The following CDCA2 variants were observed in gnomAD, a reference collection of about 807,000 sequenced individuals.
CDCA2 encodes cell division cycle-associated protein 2.
In CDCA2, 44 loss-of-function variants were observed where a neutral mutation model predicts 67.0. The observed-to-expected ratio is 0.66, with a 90% CI of 0.52 to 0.84. The LOEUF (loss-of-function observed/expected upper bound fraction) is 0.84. Ranked by LOEUF, CDCA2 falls within the 40% of genes least tolerant of loss-of-function variation. The probability of loss-of-function intolerance (pLI) is 0.00; values close to 1 mark genes in which losing one functional copy is unlikely to be tolerated. For synonymous variants in CDCA2, 447 were observed against 418.7 expected (o/e 1.07, Z -0.82); for missense variants, 1,253 against 1,203.2 (o/e 1.04, Z -0.61).
Position 25,507,875 on chromosome 8 carries a change from CT to C in CDCA2, c.*141del. On this transcript the variant is annotated 3_prime_UTR_variant, in exon 15 of 15. Transcript: ENST00000330560. ...AATAAACTCATTTGAGTTGAACCTA[CT>C]TTTATGTAGAAATAAATAAGTTTCT... The C allele has an allele frequency of 1.4e-6, 1 of 734,428 alleles. No homozygotes were observed. The highest frequency in any genetic ancestry group is 2.0e-6 in the Non-Finnish European group (1 of 504,308). The allele number at this position is 734,428 out of a possible 1,614,324, so 45.5% of individuals were successfully genotyped here.
intron 1 of CDCA2, 88 bp from the exon 2 acceptor site, chr8:25,460,152 T>G (rs1802620161): frequency 1.5e-6 from 2 of 1,292,018 alleles, no homozygotes; most frequent in Non-Finnish European, 2.3e-6. Context: ...TGGACTGTAT[T>G]ACAATTCAGT....
chr8:25,493,179 A>G (rs917099317), intron 13 of CDCA2, among the ~76,000 whole-genome samples: 4 of 152,242 alleles, frequency 2.6e-5, no homozygotes, highest in African/African-American at 9.6e-5. Context: ...ATAAAAGTTC[A>G]ATGTTTACCA....
intron 13 of CDCA2, among the ~76,000 whole-genome samples, chr8:25,491,515 G>A (rs1484747526): frequency 6.6e-6 from 1 of 152,180 alleles, no homozygotes; most frequent in Non-Finnish European, 1.5e-5. Flanking sequence ...TCATACAAGA[G>A]TTCATTTAAA....
intron 14 of CDCA2, among the ~76,000 whole-genome samples, chr8:25,504,323 G>A (rs1586537364): frequency 6.7e-6 from 1 of 149,872 alleles, no homozygotes; most frequent in South Asian, 2.1e-4. Context: ...GTAGAGATGG[G>A]TGTCCCTGAG....
chr8:25,502,963 A>T (rs551119914), intron 13 of CDCA2, among the ~76,000 whole-genome samples: 3 of 152,340 alleles, frequency 2.0e-5, no homozygotes, highest in African/African-American at 7.2e-5. Flanking sequence ...GCACTGTATG[A>T]ACAATAATTA....
intron 7 of CDCA2, among the ~76,000 whole-genome samples, chr8:25,478,010 T>G (rs1412857562): frequency 6.6e-6 from 1 of 150,668 alleles, no homozygotes; most frequent in South Asian, 2.1e-4. Context: ...CACTGCAGCC[T>G]CAACCTCCTG....
At chr8:25,465,096 C>T (rs1383997265) in intron 4 of CDCA2, among the ~76,000 whole-genome samples, 1 of 152,208 alleles carries the variant, frequency 6.6e-6, no homozygotes, top group Non-Finnish European at 1.5e-5. Flanking sequence ...ACCTCAGCCT[C>T]CCACATAGCT....
In CDCA2 at chr8:25,460,368, A is replaced by C. The variant is rs372294199; in HGVS notation, c.62-16A>C. Reference sequence around the variant, plus strand: ...AGAGAGTTGTCCTCACCCCTACAATATGTCGTCCGTTTCAGGAAATGCCTC... The same window carrying C: ...AGAGAGTTGTCCTCACCCCTACAATCTGTCGTCCGTTTCAGGAAATGCCTC... On this transcript the variant is annotated splice_polypyrimidine_tract_variant and intron_variant, in intron 2 of 14. Transcript: ENST00000330560. 42 of 1,614,010 alleles carry C rather than the reference A, an allele frequency of 2.6e-5. No homozygotes were observed. Among genetic ancestry groups the C allele is most frequent in the Non-Finnish European group, 1.9e-5 (23 of 1,180,028 alleles).
chr8:25,468,656 A>G (rs1563262664), intron 6 of CDCA2, among the ~76,000 whole-genome samples: 1 of 152,064 alleles, frequency 6.6e-6, no homozygotes, highest in Non-Finnish European at 1.5e-5. Flanking sequence ...TTTGACTACT[A>G]ACCTTACAAA....
At chr8:25,487,138 T>G in intron 11 of CDCA2, 108 bp from the exon 12 acceptor site, 1 of 674,442 alleles carries the variant, frequency 1.5e-6, no homozygotes. Flanking sequence ...TTTTTTTGTT[T>G]AGATATGGTA....
chr8:25,460,555 G>T lies in CDCA2; in HGVS notation c.232+1G>T. 6.2e-7 allele frequency: 1 copy of T among 1,607,968 alleles called. No individual in the cohort carries two copies. ...GAAAGCTTTGTTAGGAACTCTGCAG[G>T]TAAGAAAAGTTGTCATTCTGTTGTA... is the stretch of plus-strand genomic sequence containing the variant. On this transcript the variant is annotated splice_donor_variant, in intron 3 of 14. Transcript: ENST00000330560. LOFTEE classifies it high-confidence loss of function.
chr8:25,460,488 A>G lies in CDCA2; in HGVS notation c.166A>G (p.Asn56Asp). ...CTPDTFKSPLNFSTVTVEQLG... is the reference protein window; with the variant it reads ...CTPDTFKSPLDFSTVTVEQLG... ...ACCAGATACTTTTAAATCACCTTTG[A>G]ACTTTTCCACAGTAACCGTAGAGCA... The change falls in exon 3 of 15, where the codon AAC becomes GAC. Residue 56 changes from asparagine to aspartate, a missense_variant. Asn to Asp is a conservative substitution (Grantham distance 23, BLOSUM62 1). Transcript: ENST00000330560. 6.2e-7 allele frequency: 1 copy of G among 1,614,170 alleles called. No homozygotes were observed.
rs1247964261 is a variant in CDCA2, at chr8:25,507,219, A to G, written c.2553A>G (p.Thr851=). ...SLHLEKNGNH[T]PSSSVGSSVE... ...ATTTGGAAAAAAATGGAAATCACAC[A>G]CCATCCTCCAGTGTGGGCAGCTCTG... is the stretch of plus-strand genomic sequence containing the variant. Residue 851 remains threonine, a synonymous_variant, in exon 15 of 15, where the codon ACA becomes ACG. Coordinates refer to ENST00000330560, the MANE Select transcript of CDCA2 (RefSeq NM_152562.4). The G allele has an allele frequency of 8.7e-6, 14 of 1,614,160 alleles. No individual in the cohort carries two copies. The highest frequency in any genetic ancestry group is 1.1e-5 in the Non-Finnish European group (13 of 1,180,036).
intron 4 of CDCA2, among the ~76,000 whole-genome samples, chr8:25,464,757 C>T (rs1802833161): frequency 6.6e-6 from 1 of 152,154 alleles, no homozygotes; most frequent in South Asian, 2.1e-4. Context: ...ATCATCTTTT[C>T]CCTGTCGTTC....
chr8:25,501,636 T>C (rs1804480389), intron 13 of CDCA2, among the ~76,000 whole-genome samples: 1 of 152,192 alleles, frequency 6.6e-6, no homozygotes, highest in Admixed American at 6.5e-5. Context: ...CCTTGCTTGT[T>C]TGAGATTTGA....
At position 25,472,353 on chromosome 8, in the gene CDCA2, G is replaced by A. The variant is rs920524776; in HGVS notation, c.820+2373G>A. 7.2e-5 allele frequency among the ~76,000 whole-genome samples: 11 copies of A among 151,868 alleles called. No homozygotes were observed. The East Asian group carries it at 2.1e-3, about 29-fold the overall frequency. Reference sequence around the variant, plus strand: ...TGCAACCTCTGCTTCCCAGGTTCAAGCCATTCTCCCACCTCAGCCTCCCGA... The same window carrying A: ...TGCAACCTCTGCTTCCCAGGTTCAAACCATTCTCCCACCTCAGCCTCCCGA... On this transcript the variant is annotated intron_variant, in intron 7 of 14. Transcript: ENST00000330560.
intron 13 of CDCA2, among the ~76,000 whole-genome samples, chr8:25,498,156 A>G (rs1230433561): frequency 6.6e-6 from 1 of 152,084 alleles, no homozygotes; most frequent in Admixed American, 6.6e-5. Context: ...CTTTGAGGAG[A>G]TACTAGGGAA....
At chr8:25,503,666 A>T (rs760702749) in intron 14 of CDCA2, 122 bp downstream of exon 14, 31 of 934,730 alleles carry the variant, frequency 3.3e-5, no homozygotes, top group Non-Finnish European at 4.8e-5. Context: ...TTTAAAAAGC[A>T]ATGTTTCCTC....
At chr8:25,462,378 G>A (rs979823442) in intron 4 of CDCA2, among the ~76,000 whole-genome samples, 170 bp downstream of exon 4, 2 of 152,164 alleles carry the variant, frequency 1.3e-5, no homozygotes, top group Non-Finnish European at 2.9e-5. Context: ...TATAATCCCA[G>A]TACTCTGGGA....
Sources: allele counts gnomAD v4.1 joint callset (sites outside exome capture counted in the v4.1 genomes callset), GRCh38; gene constraint gnomAD v4.1.1; transcripts MANE v1.5; gene names NCBI Gene and HGNC (gene_info 2026-07-23, HGNC 2026-07-21).